Variants in GRID2 observed in about 807,000 individuals in gnomAD.
GRID2 encodes glutamate ionotropic receptor delta type subunit 2.
A neutral mutation model predicts 114.8 loss-of-function variants in GRID2; 33 were observed. The ratio of observed to expected loss-of-function variants is 0.29; its 90% CI spans 0.22 to 0.38. GRID2 has a LOEUF of 0.38. Ranked by LOEUF, GRID2 falls within the 10% of genes least tolerant of loss-of-function variation. GRID2 has a pLI of 1.00. For missense variants in GRID2, 1,184 were observed against 1,257.7 expected, an observed-to-expected ratio of 0.94 and a Z score of 0.89; for synonymous variants, 505 against 449.9, an observed-to-expected ratio of 1.12 and a Z score of -1.55.
intron 14 of GRID2, among the ~76,000 whole-genome samples, chr4:93,718,216 T>C (rs1199900111): frequency 6.6e-6 from 1 of 152,202 alleles, no homozygotes; most frequent in East Asian, 1.9e-4. Flanking sequence ...TATATACCCC[T>C]ATATGCATTT....
At chr4:93,243,818 A>G (rs563563391) in intron 8 of GRID2, among the ~76,000 whole-genome samples, 117 of 152,198 alleles carry the variant, frequency 7.7e-4, no homozygotes, top group South Asian at 7.5e-3. Context: ...CTTATTTAGC[A>G]GATGGTATAT....
rs577902222 is a variant in GRID2 at position 92,943,599 on chromosome 4, C to G, written c.245-141396C>G. On this transcript the variant is annotated intron_variant, in intron 2 of 15. Coordinates refer to ENST00000282020, the MANE Select transcript of GRID2 (RefSeq NM_001510.4). The stretch of plus-strand genomic sequence containing the variant: ...CAACTCGTCAAAGTCATTCTCCATC[C>G]AGCTTTGTTCCATTGCTGGTGAGGA... Among the ~76,000 whole-genome samples, 33 of 152,296 alleles carry G rather than the reference C, an allele frequency of 2.2e-4. No homozygotes were observed. The South Asian group carries it at 2.5e-3, about 11-fold the overall frequency.
At chr4:92,532,385 C>T (rs1725397840) in intron 1 of GRID2, among the ~76,000 whole-genome samples, 1 of 152,116 alleles carries the variant, frequency 6.6e-6, no homozygotes, top group African/African-American at 2.4e-5. Flanking sequence ...ATTTGGTTAT[C>T]ATCAATACCT....
At chr4:92,916,869 A>T (rs1332928701) in intron 2 of GRID2, among the ~76,000 whole-genome samples, 1 of 152,192 alleles carries the variant, frequency 6.6e-6, no homozygotes, top group Non-Finnish European at 1.5e-5. Context: ...TCCTTTGGGT[A>T]TATACCCAGT....
chr4:92,511,471 C>G (rs1724247558), intron 1 of GRID2, among the ~76,000 whole-genome samples: 1 of 151,778 alleles, frequency 6.6e-6, no homozygotes, highest in Non-Finnish European at 1.5e-5. Flanking sequence ...CAATCTGGTA[C>G]ACTTCTGAAA....
chr4:92,646,231 A>C (rs570326052), intron 2 of GRID2, among the ~76,000 whole-genome samples: 1 of 152,168 alleles, frequency 6.6e-6, no homozygotes, highest in Non-Finnish European at 1.5e-5. Flanking sequence ...CCACTCAGCT[A>C]TCTTCTTTTA....
intron 12 of GRID2, among the ~76,000 whole-genome samples, chr4:93,501,015 GT>G (rs1318302989): frequency 6.6e-6 from 1 of 151,868 alleles, no homozygotes; most frequent in Admixed American, 6.6e-5. Flanking sequence ...ATTCTTGAGG[GT>G]TGTTTTATCA....
intron 2 of GRID2, among the ~76,000 whole-genome samples, chr4:93,051,145 T>C (rs977209330): frequency 1.7e-4 from 26 of 152,140 alleles, no homozygotes; most frequent in African/African-American, 6.0e-4. Context: ...CTAGTAATAG[T>C]ATGATCGGAG....
chr4:92,439,104 A>G (rs370324355), intron 1 of GRID2, among the ~76,000 whole-genome samples: 4 of 151,832 alleles, frequency 2.6e-5, no homozygotes, highest in East Asian at 3.9e-4. Context: ...TGGGTAGGTA[A>G]AGGAAAATTA....
intron 2 of GRID2, among the ~76,000 whole-genome samples, chr4:92,731,062 T>C (rs905277961): frequency 3.3e-5 from 5 of 151,910 alleles, no homozygotes; most frequent in African/African-American, 9.7e-5. Flanking sequence ...TTTCAGGTGA[T>C]GTGTAATTGG....
intron 1 of GRID2, among the ~76,000 whole-genome samples, chr4:93,790,124 C>A (rs1189196109): frequency 6.7e-6 from 1 of 150,200 alleles, no homozygotes; most frequent in Admixed American, 6.7e-5. Flanking sequence ...CCACCCCTAC[C>A]CCGTGCCCAT....
At chr4:93,460,587 T>C (rs938599601) in intron 11 of GRID2, among the ~76,000 whole-genome samples, 1 of 152,202 alleles carries the variant, frequency 6.6e-6, no homozygotes. Flanking sequence ...TTCCTTTTTT[T>C]AAACATGTCT....
intron 13 of GRID2, among the ~76,000 whole-genome samples, chr4:93,517,114 A>G (rs186757308): frequency 3.9e-5 from 6 of 152,038 alleles, no homozygotes. Flanking sequence ...TCTACCTCAC[A>G]CAGTTTTTGT....
At chr4:92,896,219 GC>G (rs1747154442) in intron 2 of GRID2, among the ~76,000 whole-genome samples, 1 of 152,128 alleles carries the variant, frequency 6.6e-6, no homozygotes, top group Admixed American at 6.6e-5. Flanking sequence ...GCCTAGAAGA[GC>G]CCCCAGGCAA....
chr4:92,858,761 GT>G (rs1297708820), intron 2 of GRID2, among the ~76,000 whole-genome samples: 2 of 152,102 alleles, frequency 1.3e-5, no homozygotes, highest in Non-Finnish European at 2.9e-5. Flanking sequence ...GTTTCACCAT[GT>G]TAGCCAGGAT....
intron 14 of GRID2, among the ~76,000 whole-genome samples, chr4:93,700,556 G>A (rs1322499421): frequency 6.6e-6 from 1 of 152,028 alleles, no homozygotes; most frequent in Non-Finnish European, 1.5e-5. Context: ...CTTTACAAAG[G>A]TTTGATTATA....
At chr4:92,480,154 T>C (rs1722511636) in intron 1 of GRID2, among the ~76,000 whole-genome samples, 1 of 152,114 alleles carries the variant, frequency 6.6e-6, no homozygotes, top group African/African-American at 2.4e-5. Flanking sequence ...CTAAAATGAA[T>C]GTTTTACATG....
At chr4:92,733,782 C>T (rs1736448336) in intron 2 of GRID2, among the ~76,000 whole-genome samples, 1 of 152,056 alleles carries the variant, frequency 6.6e-6, no homozygotes, top group Non-Finnish European at 1.5e-5. Flanking sequence ...GGCTCTGTCC[C>T]TTTAAAACTG....
At chr4:92,843,196 T>G (rs534264976) in intron 2 of GRID2, among the ~76,000 whole-genome samples, 2 of 151,982 alleles carry the variant, frequency 1.3e-5, no homozygotes, top group Non-Finnish European at 2.9e-5. Flanking sequence ...AAGCTGTGAT[T>G]GCACCACTGC....
Sources: gnomAD v4.1 joint callset for allele counts (sites outside exome capture counted in the v4.1 genomes callset) on GRCh38, gnomAD v4.1.1 for gene constraint, MANE v1.5 for transcripts, NCBI Gene and HGNC (gene_info 2026-07-23, HGNC 2026-07-21) for gene names.